FANCD2OS: variants seen among roughly 807,000 people sequenced by gnomAD.
FANCD2OS encodes the protein FANCD2 opposite strand protein.
FANCD2OS carries 11 observed loss-of-function variants against 13.2 expected under a neutral mutation model. The ratio of observed to expected loss-of-function variants is 0.83; its 90% confidence interval spans 0.52 to 1.38. The LOEUF is 1.38. FANCD2OS is among the 40% of genes most tolerant of loss of function. The pLI, the probability that FANCD2OS is intolerant of heterozygous loss-of-function variation, is 0.00. For synonymous variants in FANCD2OS, 69 were observed against 84.5 expected, an observed-to-expected ratio of 0.82 and a Z score of 1.01; for missense variants, 217 against 213.9, an observed-to-expected ratio of 1.01 and a Z score of -0.09.
rs529308850 is a variant in FANCD2OS, at chr3:10,090,808, TTTTTGTTTTTG to T, written c.*44-9288_*44-9278del. On this transcript the variant is annotated intron_variant, in intron 2 of 2. Transcript: ENST00000524279. ...GGGTCCAAGTTTTCTCCTAAGCTGT[TTTTTGTTTTTG>T]TTTTGTTTTGAGTTTCTGAGATTCA... Among the ~76,000 whole-genome samples the T allele has an allele frequency of 1.9e-3, 291 of 152,134 alleles. 3 individuals are homozygous for T. The highest frequency in any genetic ancestry group is 6.9e-3 in the African/African-American group (285 of 41,522).
chr3:10,101,622 A>G (rs2125106324), downstream of FANCD2OS: 1 of 327,456 alleles, frequency 3.1e-6, no homozygotes, highest in Middle Eastern at 9.7e-4. Context: ...TGAACTCATG[A>G]TCCACCTGCC....
At chr3:10,085,592 G>C (rs550583879) in intron 2 of FANCD2OS, among the ~76,000 whole-genome samples, 4 of 151,724 alleles carry the variant, frequency 2.6e-5, no homozygotes, top group Admixed American at 2.0e-4. Flanking sequence ...GGATTTCACC[G>C]TGTTGGCCAA....
rs34206187 is a variant in FANCD2OS at position 10,089,347 on chromosome 3, C to A, written c.*44-7816G>T. 3.2e-3 allele frequency among the ~76,000 whole-genome samples: 491 copies of A among 152,160 alleles called. 10 individuals are homozygous for A. In the South Asian group the frequency reaches 0.039, roughly 12 times the overall value. Reference sequence around the variant, plus strand: ...ATATAGCTTCCACACAACTGCCTTGCTCCTCCTCATCTAATTCTGATACAG... The same window carrying A: ...ATATAGCTTCCACACAACTGCCTTGATCCTCCTCATCTAATTCTGATACAG... On this transcript the variant is annotated intron_variant, in intron 2 of 2. Coordinates refer to the FANCD2OS transcript ENST00000524279.
At chr3:10,098,626 C>A, downstream of FANCD2OS, 1 of 1,478,016 alleles carries the variant, frequency 6.8e-7, no homozygotes, top group Non-Finnish European at 9.2e-7. Flanking sequence ...GCTAAAATAT[C>A]TTCCTTTGTA....
intron 1 of FANCD2OS, 56 bp from the exon 2 acceptor site, chr3:10,104,838 T>C (rs1398625850): frequency 2.9e-5 from 43 of 1,472,408 alleles, no homozygotes; most frequent in Non-Finnish European, 3.7e-5. Flanking sequence ...CATGAGAGCA[T>C]GGCCTTTCAA....
Position 10,104,479 on chromosome 3 carries a change from ACTC to A in FANCD2OS, c.293_295del (p.Gly98del), listed in dbSNP as rs1227279895. 6.2e-7 allele frequency: 1 copy of A among 1,613,782 alleles called. No individual in the cohort carries two copies. Among genetic ancestry groups the A allele is most frequent in the Non-Finnish European group, 8.5e-7 (1 of 1,179,970 alleles). ...GATAACCCTGCCAAAGACAGAATCT[ACTC>A]CACTGAGGCGGATGGGCTGGGGCTT... On this transcript the variant is annotated inframe_deletion, in exon 2 of 2. Coordinates refer to ENST00000450660, the MANE Select transcript of FANCD2OS (RefSeq NM_001164839.2).
In FANCD2OS at chr3:10,104,573, CT is replaced by C; in HGVS notation, c.201del (p.Val68Ter). On this transcript the variant is annotated frameshift_variant, in exon 2 of 2. Coordinates refer to ENST00000450660, the MANE Select transcript of FANCD2OS (RefSeq NM_001164839.2). LOFTEE classifies it high-confidence loss of function. Reference sequence around the variant, plus strand: ...GTGTGGCAGGGTAACTTGGGACTCACTCCAGATTCCAGGAATGGGCTGTCTA... The same window carrying C: ...GTGTGGCAGGGTAACTTGGGACTCACCCAGATTCCAGGAATGGGCTGTCTA... ...LVLDSPFLES[G>X]VSPKLPCHTS... 1 of 1,614,194 alleles carries C rather than the reference CT, an allele frequency of 6.2e-7. No individual in the cohort carries two copies. The highest frequency in any genetic ancestry group is 8.5e-7 in the Non-Finnish European group (1 of 1,180,042).
chr3:10,104,239 CT>C lies in FANCD2OS; in HGVS notation c.*1del. On this transcript the variant is annotated 3_prime_UTR_variant, in exon 2 of 2. Transcript: ENST00000450660. ...AGTAAATGGGGATCAAATGAGGACC[CT>C]TTACTTGGAGTGCTGCAAGGCAAAG... 1 of 1,600,062 alleles carries C rather than the reference CT, an allele frequency of 6.2e-7. No individual in the cohort carries two copies. Among genetic ancestry groups the C allele is most frequent in the South Asian group, 1.1e-5 (1 of 88,422 alleles).
intron 1 of FANCD2OS, among the ~76,000 whole-genome samples, chr3:10,105,877 CTT>C (rs1695486228): frequency 7.2e-6 from 1 of 139,132 alleles, no homozygotes; most frequent in African/African-American, 2.6e-5. Flanking sequence ...CATTTGGAAA[CTT>C]GCAGAAATGC....
downstream of FANCD2OS, chr3:10,098,798 A>C (rs1695131902): frequency 6.2e-7 from 1 of 1,614,224 alleles, no homozygotes; most frequent in East Asian, 2.2e-5. Context: ...CCAGGCCTCC[A>C]AGAGCAAAGC....
At chr3:10,082,749 T>C (rs772659791) in intron 2 of FANCD2OS, among the ~76,000 whole-genome samples, 17 of 152,332 alleles carry the variant, frequency 1.1e-4, no homozygotes, top group Non-Finnish European at 1.6e-4. Context: ...TCTAACACTC[T>C]GGTATCCGTT....
At chr3:10,095,399 T>A in intron 2 of FANCD2OS, 1 of 809,232 alleles carries the variant, frequency 1.2e-6, no homozygotes, top group Non-Finnish European at 2.1e-6. Flanking sequence ...CCAAAGGCAG[T>A]TTATTCAGAG....
rs1030454628 is a variant in FANCD2OS at position 10,088,535 on chromosome 3, C to G, written c.*44-7004G>C. The G allele has an allele frequency of 6.3e-6, 10 of 1,599,076 alleles. No individual in the cohort carries two copies. The highest frequency in any genetic ancestry group is 8.6e-6 in the Non-Finnish European group (10 of 1,166,388). ...CATCTCTAATGACCAGCTCCATGCT[C>G]TGCTCTGGTGAGATGTTTGGTTTCT... On this transcript the variant is annotated intron_variant, in intron 2 of 2. Coordinates refer to the FANCD2OS transcript ENST00000524279.
rs1402482246 is a variant in FANCD2OS, at chr3:10,104,350, T to C, written c.425A>G (p.Glu142Gly). 1.9e-6 allele frequency: 3 copies of C among 1,614,062 alleles called. No homozygotes were observed. Among genetic ancestry groups the C allele is most frequent in the Non-Finnish European group, 2.5e-6 (3 of 1,180,046 alleles). The change falls in exon 2 of 2, where the codon GAG (glutamate) becomes GGG (glycine). Residue 142 changes from glutamate to glycine, a missense_variant. By Grantham distance (98) the Glu-to-Gly change is moderately conservative. Coordinates refer to ENST00000450660, the MANE Select transcript of FANCD2OS (RefSeq NM_001164839.2). The part of the protein sequence containing the change: ...REHQWPIGLK[E>G]PQIQMTVTMC... ...AGTGACTGTCATCTGAATCTGAGGCTCCTTCAGTCCAATGGGCCACTGGTG... is the reference window on the plus strand; with the variant it reads ...AGTGACTGTCATCTGAATCTGAGGCCCCTTCAGTCCAATGGGCCACTGGTG...
chr3:10,091,478 A>G (rs113549347), intron 2 of FANCD2OS, among the ~76,000 whole-genome samples: 4,892 of 147,880 alleles, frequency 0.033, 243 homozygotes, highest in African/African-American at 0.11. Flanking sequence ...TCTCAAAAAG[A>G]AAAAAAAAAG....
chr3:10,095,611 G>A (rs932957294), intron 2 of FANCD2OS, among the ~76,000 whole-genome samples: 3 of 152,224 alleles, frequency 2.0e-5, no homozygotes, highest in Non-Finnish European at 2.9e-5. Context: ...GGAGACAGGA[G>A]GTGGCTCTAA....
chr3:10,099,440 TAAC>T, downstream of FANCD2OS: 1 of 578,420 alleles, frequency 1.7e-6, no homozygotes, highest in Non-Finnish European at 2.3e-6. Flanking sequence ...CTGCACAACA[TAAC>T]AAGACCCTAT....
At chr3:10,108,290 C>G (rs1054488216), upstream of FANCD2OS, 8 of 152,246 alleles carry the variant, frequency 5.3e-5, no homozygotes, top group African/African-American at 1.9e-4. Flanking sequence ...GGCCGCTGTT[C>G]GTGGCGCCTG....
chr3:10,092,136 T>C (rs1398420406), intron 2 of FANCD2OS: 2 of 1,239,538 alleles, frequency 1.6e-6, no homozygotes, highest in East Asian at 2.3e-5. Context: ...GTAAGGGAAG[T>C]ATTTGGCTGT....
Sources: allele counts gnomAD v4.1 joint callset (sites outside exome capture counted in the v4.1 genomes callset), GRCh38; gene constraint gnomAD v4.1.1; transcripts MANE v1.5; gene names NCBI Gene and HGNC (gene_info 2026-07-23, HGNC 2026-07-21).